Variants in TRRAP observed in about 807,000 individuals in gnomAD.
TRRAP encodes transformation/transcription domain associated protein.
TRRAP carries 41 observed loss-of-function variants against 438.8 expected under a neutral mutation model. The observed-to-expected ratio is 0.09, with a 90% confidence interval of 0.07 to 0.12. TRRAP has a LOEUF of 0.12. Ranked by LOEUF, TRRAP falls within the 10% of genes least tolerant of loss-of-function variation. The probability of loss-of-function intolerance (pLI) is 1.00; values close to 1 mark genes in which losing one functional copy is unlikely to be tolerated. For synonymous variants in TRRAP, 1,994 were observed against 1,962.9 expected, an observed-to-expected ratio of 1.02 and a Z score of -0.42; for missense variants, 3,122 against 5,055.1, an observed-to-expected ratio of 0.62 and a Z score of 11.60.
chr7:99,003,379 C>T (rs1395438278), intron 67 of TRRAP, among the ~76,000 whole-genome samples: 2 of 152,156 alleles, frequency 1.3e-5, no homozygotes, highest in Non-Finnish European at 2.9e-5. Context: ...CCTGGGTGGT[C>T]GTTTCCGTTG....
At chr7:98,999,612 T>C in intron 67 of TRRAP, 1 of 802,130 alleles carries the variant, frequency 1.2e-6, no homozygotes, top group Non-Finnish European at 2.2e-6. Context: ...AGTGCTTGCA[T>C]AGAGCAGAGA....
Position 98,976,233 on chromosome 7 carries a change from A to G in TRRAP, c.7924A>G (p.Arg2642Gly). 6.2e-7 allele frequency: 1 copy of G among 1,614,186 alleles called. No homozygotes were observed. Among genetic ancestry groups the G allele is most frequent in the Non-Finnish European group, 8.5e-7 (1 of 1,180,022 alleles). ...AEKTWVQLFP[R>G]LWKILSDRQQ... ...GAAGACGTGGGTCCAGCTTTTCCCC[A>G]GATTGTGGAAGATCCTCTCTGACAG... Residue 2642 changes from arginine (R) to glycine (G), a missense_variant, in exon 54 of 73, where the codon AGA (arginine) becomes GGA (glycine). Physicochemically the swap from Arg to Gly is moderately radical, Grantham distance 125 (BLOSUM62 -2). Transcript: ENST00000456197. The surrounding 1 kb of genome is among the most constrained non-coding windows in gnomAD (Gnocchi z 4.6).
chr7:98,886,602 C>G (rs1795728379), intron 3 of TRRAP, among the ~76,000 whole-genome samples: 1 of 152,062 alleles, frequency 6.6e-6, no homozygotes, highest in Non-Finnish European at 1.5e-5. Flanking sequence ...TCAACATTTA[C>G]CTTAAATGAA....
At chr7:98,882,728 C>G (rs995556223) in intron 3 of TRRAP, among the ~76,000 whole-genome samples, 4 of 152,150 alleles carry the variant, frequency 2.6e-5, no homozygotes, top group Non-Finnish European at 5.9e-5. Flanking sequence ...GTGGCGTGAT[C>G]TTGGCTCACT....
At chr7:98,885,286 T>C (rs1465443807) in intron 3 of TRRAP, among the ~76,000 whole-genome samples, 4 of 151,754 alleles carry the variant, frequency 2.6e-5, no homozygotes, top group African/African-American at 9.7e-5. Flanking sequence ...GGTCTTGCTA[T>C]GTTACCCAGT....
chr7:98,987,666 C>T (rs1007316695), intron 62 of TRRAP, among the ~76,000 whole-genome samples: 4 of 152,122 alleles, frequency 2.6e-5, no homozygotes, highest in Admixed American at 6.5e-5. Context: ...AATAAGGATG[C>T]CTTTTATTTC....
intron 67 of TRRAP, among the ~76,000 whole-genome samples, chr7:98,997,517 A>AGTAGG: frequency 6.9e-6 from 1 of 144,420 alleles, no homozygotes; most frequent in Non-Finnish European, 1.5e-5. Flanking sequence ...AAAAAATTAG[A>AGTAGG]GTAGGAAGCC....
intron 19 of TRRAP, 86 bp from the exon 20 acceptor site, chr7:98,917,337 A>AGGAGGGGCAGT: frequency 1.3e-6 from 2 of 1,541,730 alleles, no homozygotes; most frequent in Non-Finnish European, 1.8e-6. Context: ...GCACAAGAGA[A>AGGAGGGGCAGT]GGAGGGGCAG....
chr7:98,979,950 G>T (rs1309919929), intron 58 of TRRAP, among the ~76,000 whole-genome samples: 1 of 152,074 alleles, frequency 6.6e-6, no homozygotes. Flanking sequence ...TTTTTTCAGT[G>T]GGGAAAATAG....
rs765567570 is a variant in TRRAP at position 99,008,378 on chromosome 7, G to A, written c.10755G>A (p.Val3585=). The change falls in exon 70 of 73, where the codon GTG becomes GTA. Residue 3585 remains valine (V), a splice_region_variant and synonymous_variant. Transcript: ENST00000456197. ...CCGTTTCTCTTCCTCTCTCCCCAGT[G>A]CCCCGGGTTGTGGCAGTTTCCCCAC... ...ETTKRHLFFT[V]PRVVAVSPQM... 6 of 1,613,758 alleles carry A rather than the reference G, an allele frequency of 3.7e-6. No individual in the cohort carries two copies. Among genetic ancestry groups the A allele is most frequent in the East Asian group, 2.2e-5 (1 of 44,890 alleles).
intron 48 of TRRAP, among the ~76,000 whole-genome samples, chr7:98,965,288 T>A (rs890227200): frequency 6.6e-6 from 1 of 152,214 alleles, no homozygotes; most frequent in African/African-American, 2.4e-5. Context: ...TCAGAGTTGC[T>A]GGTTCTGAAG....
At chr7:98,899,191 A>T (rs1430616059) in intron 8 of TRRAP, among the ~76,000 whole-genome samples, 1 of 152,232 alleles carries the variant, frequency 6.6e-6, no homozygotes, top group African/African-American at 2.4e-5. Flanking sequence ...TCCATCTCAA[A>T]AAAAAAGAAA....
chr7:98,967,548 G>T lies in TRRAP; in HGVS notation c.7362G>T (p.Leu2454=), dbSNP rs1167470303. The change falls in exon 51 of 73, where the codon CTG becomes CTT. Residue 2454 remains leucine, a synonymous_variant. Transcript: ENST00000456197. ...AKLEPAFLSG[L]RCAQPLIRAK... ...TTGAGCCTGCCTTTCTCTCTGGGCT[G>T]CGCTGTGCCCAGCCACTCATCAGGG... 1 of 1,614,070 alleles carries T rather than the reference G, an allele frequency of 6.2e-7. No individual in the cohort carries two copies.
Position 98,956,430 on chromosome 7 carries a change from GAGA to G in TRRAP, c.6131_6133del (p.Glu2044del), listed in dbSNP as rs782671482. 1 of 1,614,214 alleles carries G rather than the reference GAGA, an allele frequency of 6.2e-7. No homozygotes were observed. Among genetic ancestry groups the G allele is most frequent in the Non-Finnish European group, 8.5e-7 (1 of 1,180,042 alleles). On this transcript the variant is annotated inframe_deletion, in exon 43 of 73. Transcript: ENST00000456197. This position sits in a 1 kb window ranked among gnomAD's most constrained non-coding sequence, Gnocchi z 4.5. Reference sequence around the variant, plus strand: ...TCAGATATGGACCCAAATTCCAGTGGAGAAGGAGTCAATTCTGTCTCATCCTCC... The same window carrying G: ...TCAGATATGGACCCAAATTCCAGTGGAGGAGTCAATTCTGTCTCATCCTCC...
At chr7:98,958,298 T>C (rs1791721325) in intron 44 of TRRAP, among the ~76,000 whole-genome samples, 1 of 152,140 alleles carries the variant, frequency 6.6e-6, no homozygotes, top group Non-Finnish European at 1.5e-5. Flanking sequence ...ATAATTGATC[T>C]AATTTTTTTG....
chr7:98,981,636 T>TGA (rs1792924407), intron 58 of TRRAP, 133 bp from the exon 59 acceptor site: 1 of 870,466 alleles, frequency 1.1e-6, no homozygotes, highest in South Asian at 1.9e-5. Flanking sequence ...AGAAAATACA[T>TGA]TTCTATAGCC....
At chr7:98,962,215 C>T in intron 46 of TRRAP, 87 bp from the exon 47 acceptor site, 1 of 1,592,536 alleles carries the variant, frequency 6.3e-7, no homozygotes, top group Non-Finnish European at 8.6e-7. Flanking sequence ...CTCCTGATAC[C>T]CAAGCAGCCA....
At chr7:98,906,539 C>G (rs560218731) in intron 13 of TRRAP, among the ~76,000 whole-genome samples, 1 of 152,036 alleles carries the variant, frequency 6.6e-6, no homozygotes, top group African/African-American at 2.4e-5. Flanking sequence ...TCAAGCAATT[C>G]TCCCTGCCTC....
chr7:98,887,710 CA>C (rs1795775133), intron 3 of TRRAP, among the ~76,000 whole-genome samples: 1 of 97,070 alleles, frequency 1.0e-5, no homozygotes, highest in African/African-American at 3.6e-5. Flanking sequence ...AGCCTGGTGA[CA>C]AGAGTGAAAC....
Sources: allele counts gnomAD v4.1 joint callset (sites outside exome capture counted in the v4.1 genomes callset), GRCh38; gene constraint gnomAD v4.1.1; non-coding constraint Gnocchi (gnomAD v3.1); transcripts MANE v1.5; gene names NCBI Gene and HGNC (gene_info 2026-07-23, HGNC 2026-07-21).